The following SUGCT variants were observed in gnomAD, a reference collection of about 807,000 sequenced individuals.
The protein encoded by SUGCT is succinyl-CoA:glutarate CoA-transferase.
SUGCT carries 41 observed loss-of-function variants against 55.0 expected under a neutral mutation model. The observed-to-expected ratio is 0.74, with a 90% CI of 0.58 to 0.97. The LOEUF (loss-of-function observed/expected upper bound fraction) is 0.97. Ranked by LOEUF, SUGCT falls within the 50% of genes least tolerant of loss-of-function variation. The pLI is 0.00. For missense variants in SUGCT, 568 were observed against 547.8 expected, an observed-to-expected ratio of 1.04 and a Z score of -0.37; for synonymous variants, 187 against 200.4, an observed-to-expected ratio of 0.93 and a Z score of 0.56.
At chr7:40,318,110 G>A (rs909210824) in intron 9 of SUGCT, among the ~76,000 whole-genome samples, 2 of 152,170 alleles carry the variant, frequency 1.3e-5, no homozygotes, top group Non-Finnish European at 2.9e-5. Flanking sequence ...ATTGGTTAGA[G>A]ATCATCAGAT....
intron 12 of SUGCT, among the ~76,000 whole-genome samples, chr7:40,628,564 G>A (rs1336514554): frequency 6.6e-6 from 1 of 152,228 alleles, no homozygotes; most frequent in African/African-American, 2.4e-5. Context: ...CTCACCTGAC[G>A]TTGAATCCTG....
At chr7:40,322,711 G>A (rs1442886744) in intron 9 of SUGCT, among the ~76,000 whole-genome samples, 1 of 152,178 alleles carries the variant, frequency 6.6e-6, no homozygotes, top group African/African-American at 2.4e-5. Flanking sequence ...TGTAATCCCA[G>A]CACTACTGAT....
chr7:40,516,282 G>A (rs1793228842), intron 12 of SUGCT, among the ~76,000 whole-genome samples: 1 of 152,090 alleles, frequency 6.6e-6, no homozygotes, highest in Admixed American at 6.6e-5. Context: ...CTTCCATTCT[G>A]TAAGTTTTCT....
At chr7:40,498,755 T>G (rs996420070) in intron 12 of SUGCT, among the ~76,000 whole-genome samples, 5 of 152,192 alleles carry the variant, frequency 3.3e-5, no homozygotes, top group African/African-American at 1.2e-4. Context: ...GTAGTAGCTG[T>G]GGTTATGATG....
chr7:40,740,581 T>C (rs1045739973), intron 12 of SUGCT, among the ~76,000 whole-genome samples: 2 of 150,978 alleles, frequency 1.3e-5, no homozygotes, highest in Non-Finnish European at 3.0e-5. Context: ...TATTATTTTT[T>C]TCCTTGCCTC....
chr7:40,469,316 G>C (rs1473592434), intron 11 of SUGCT, among the ~76,000 whole-genome samples: 1 of 152,172 alleles, frequency 6.6e-6, no homozygotes, highest in Admixed American at 6.5e-5. Context: ...GGCATTCACT[G>C]TAGAGGGGCT....
chr7:40,365,909 A>C (rs959570945), intron 9 of SUGCT, among the ~76,000 whole-genome samples: 50 of 152,218 alleles, frequency 3.3e-4, no homozygotes, highest in Non-Finnish European at 8.8e-5. Flanking sequence ...ATTGGAAAAA[A>C]CTACTTTAAA....
chr7:40,916,057 C>G, the SUGCT span, among the ~76,000 whole-genome samples: 3 of 102,280 alleles, frequency 2.9e-5, no homozygotes, highest in Non-Finnish European at 5.6e-5. Flanking sequence ...CTCTCTCTCT[C>G]TCTCTCTCTA....
At chr7:40,367,093 T>G (rs938696005) in intron 9 of SUGCT, among the ~76,000 whole-genome samples, 4 of 151,978 alleles carry the variant, frequency 2.6e-5, no homozygotes, top group East Asian at 3.9e-4. Context: ...CCATAAAAAA[T>G]GATGAGTTCA....
intron 1 of SUGCT, among the ~76,000 whole-genome samples, chr7:40,157,436 A>C (rs979848051): frequency 3.9e-5 from 6 of 152,212 alleles, no homozygotes; most frequent in Non-Finnish European, 5.9e-5. Context: ...GGTATTAGGT[A>C]TGGGAAAATG....
At chr7:40,794,352 T>C (rs781405599) in intron 13 of SUGCT, among the ~76,000 whole-genome samples, 10 of 152,168 alleles carry the variant, frequency 6.6e-5, no homozygotes, top group Non-Finnish European at 1.2e-4. Context: ...TATAAATCTG[T>C]ATGAGGTCTG....
At chr7:40,886,010 C>T in the SUGCT span, among the ~76,000 whole-genome samples, 1 of 152,270 alleles carries the variant, frequency 6.6e-6, no homozygotes, top group Non-Finnish European at 1.5e-5. Context: ...GAATAGGAAA[C>T]CACTCTATTA....
chr7:40,439,233 C>T (rs1788366633), intron 9 of SUGCT, among the ~76,000 whole-genome samples: 1 of 150,812 alleles, frequency 6.6e-6, no homozygotes, highest in Admixed American at 6.6e-5. Flanking sequence ...CTGATTGAAG[C>T]ATTCTACATT....
intron 1 of SUGCT, among the ~76,000 whole-genome samples, chr7:40,139,168 A>C (rs147076759): frequency 0.053 from 7,879 of 148,932 alleles, 664 homozygotes; most frequent in African/African-American, 0.19. Context: ...ATAAATAAAT[A>C]AATAAATAAA....
At chr7:40,759,069 A>C (rs901790573) in intron 13 of SUGCT, among the ~76,000 whole-genome samples, 4 of 152,316 alleles carry the variant, frequency 2.6e-5, no homozygotes, top group Middle Eastern at 6.8e-3. Flanking sequence ...TACCAAGAAG[A>C]TGCTGCAGCC....
At chr7:40,905,002 C>T in the SUGCT span, among the ~76,000 whole-genome samples, 1 of 152,168 alleles carries the variant, frequency 6.6e-6, no homozygotes, top group Non-Finnish European at 1.5e-5. Flanking sequence ...AGTTTCATTA[C>T]TTTCAAGTAA....
chr7:40,178,362 ATAAAG>A (rs1236457293), intron 1 of SUGCT, among the ~76,000 whole-genome samples: 12 of 152,288 alleles, frequency 7.9e-5, no homozygotes, highest in African/African-American at 2.6e-4. Context: ...TGATTTTCTT[ATAAAG>A]TAATTTTCTA....
chr7:40,231,624 A>C (rs2150860389), intron 6 of SUGCT, among the ~76,000 whole-genome samples: 1 of 152,324 alleles, frequency 6.6e-6, no homozygotes, highest in East Asian at 1.9e-4. Flanking sequence ...CACTAAAAAC[A>C]ATATCAGGGC....
intron 12 of SUGCT, among the ~76,000 whole-genome samples, chr7:40,655,629 G>C (rs1394635735): frequency 6.6e-6 from 1 of 152,164 alleles, no homozygotes; most frequent in Non-Finnish European, 1.5e-5. Flanking sequence ...TGATTGTCCT[G>C]CTTACAGAGG....
Sources: allele counts gnomAD v4.1 joint callset (sites outside exome capture counted in the v4.1 genomes callset), GRCh38; gene constraint gnomAD v4.1.1; transcripts MANE v1.5; gene names NCBI Gene and HGNC (gene_info 2026-07-23, HGNC 2026-07-21).